EGFR: variants seen among roughly 807,000 people sequenced by gnomAD.
EGFR encodes epidermal growth factor receptor.
In EGFR, 58 loss-of-function variants were observed where a neutral mutation model predicts 143.0. The observed-to-expected ratio is 0.41, with a 90% CI of 0.33 to 0.50. The LOEUF (loss-of-function observed/expected upper bound fraction) is 0.50. Ranked by LOEUF, EGFR falls within the 20% of genes least tolerant of loss-of-function variation. The pLI, the probability that EGFR is intolerant of heterozygous loss-of-function variation, is 0.39. For synonymous variants in EGFR, 613 were observed against 594.4 expected (o/e 1.03, Z -0.45); for missense variants, 1,307 against 1,579.0 (o/e 0.83, Z 2.92).
chr7:55,128,359 C>T (rs376733407), intron 1 of EGFR, among the ~76,000 whole-genome samples: 1 of 152,148 alleles, frequency 6.6e-6, no homozygotes, highest in Non-Finnish European at 1.5e-5. Flanking sequence ...ACTGTCATGG[C>T]GGAGCAGCTT....
intron 1 of EGFR, among the ~76,000 whole-genome samples, chr7:55,067,443 C>T (rs1789569153): frequency 6.6e-6 from 1 of 151,426 alleles, no homozygotes; most frequent in Admixed American, 6.5e-5. Flanking sequence ...AACAAGTTAC[C>T]TACTGGTAAA....
intron 13 of EGFR, 46 bp from the exon 14 acceptor site, chr7:55,163,687 T>C (rs2128944468): frequency 6.5e-7 from 1 of 1,538,306 alleles, no homozygotes; most frequent in Non-Finnish European, 9.0e-7. Context: ...GTTCCTGCAA[T>C]AATGTCTCAG....
chr7:55,174,530 G>A (rs1475007381), intron 18 of EGFR, among the ~76,000 whole-genome samples, 192 bp from the exon 19 acceptor site: 2 of 152,186 alleles, frequency 1.3e-5, no homozygotes, highest in Non-Finnish European at 2.9e-5. Context: ...AGTGTGATTC[G>A]TGGAGCCCAA....
At chr7:55,025,080 A>G (rs1786805014) in intron 1 of EGFR, among the ~76,000 whole-genome samples, 1 of 152,238 alleles carries the variant, frequency 6.6e-6, no homozygotes, top group Non-Finnish European at 1.5e-5. Context: ...GAAGAGAAGG[A>G]ATAAATGGTA....
At chr7:55,050,670 C>T (rs1395981202) in intron 1 of EGFR, among the ~76,000 whole-genome samples, 4 of 152,214 alleles carry the variant, frequency 2.6e-5, no homozygotes, top group Admixed American at 1.3e-4. Context: ...AGGTCTCTCC[C>T]GCCAGCCCTG....
At chr7:55,170,799 G>A in intron 15 of EGFR, 2 of 1,427,160 alleles carry the variant, frequency 1.4e-6, no homozygotes, top group South Asian at 1.5e-5. Flanking sequence ...TCCGTAATTA[G>A]CATGGCCCCA....
intron 12 of EGFR, 123 bp from the exon 13 acceptor site, chr7:55,161,376 C>G (rs1785691488): frequency 3.7e-6 from 5 of 1,341,992 alleles, no homozygotes; most frequent in Non-Finnish European, 5.0e-6. Flanking sequence ...TCAGGGGTAG[C>G]CAGCATGTCT....
At chr7:55,097,694 A>G (rs1293630793) in intron 1 of EGFR, among the ~76,000 whole-genome samples, 1 of 152,220 alleles carries the variant, frequency 6.6e-6, no homozygotes, top group Admixed American at 6.5e-5. Flanking sequence ...CTGCCCCTGC[A>G]GCCACCCAGG....
At chr7:55,158,692 G>A (rs1453739654) in intron 11 of EGFR, among the ~76,000 whole-genome samples, 1 of 152,220 alleles carries the variant, frequency 6.6e-6, no homozygotes, top group Non-Finnish European at 1.5e-5. Context: ...CATTTAATGA[G>A]AAGTCTGGTG....
At chr7:55,173,603 G>A (rs1012087282) in intron 17 of EGFR, among the ~76,000 whole-genome samples, 1 of 152,204 alleles carries the variant, frequency 6.6e-6, no homozygotes, top group African/African-American at 2.4e-5. Context: ...CCAACCAAAC[G>A]ACCGCCATGC....
chr7:55,144,304 C>T (rs1794638054), intron 3 of EGFR, among the ~76,000 whole-genome samples: 1 of 152,186 alleles, frequency 6.6e-6, no homozygotes, highest in African/African-American at 2.4e-5. Context: ...TGTGTTAAAT[C>T]ATGCTAAGCC....
intron 22 of EGFR, among the ~76,000 whole-genome samples, chr7:55,197,655 T>C (rs1053971644): frequency 1.5e-4 from 23 of 152,250 alleles, no homozygotes; most frequent in Admixed American, 3.3e-4. Context: ...TTGCCATAGA[T>C]GGCTAATATG....
intron 1 of EGFR, among the ~76,000 whole-genome samples, chr7:55,115,337 T>C (rs559908932): frequency 7.9e-5 from 12 of 152,056 alleles, no homozygotes; most frequent in Non-Finnish European, 1.6e-4. Flanking sequence ...GTGAATAAGG[T>C]TTATTTACAT....
chr7:55,123,745 A>G (rs1238739166), intron 1 of EGFR, among the ~76,000 whole-genome samples: 1 of 152,064 alleles, frequency 6.6e-6, no homozygotes, highest in Non-Finnish European at 1.5e-5. Flanking sequence ...AAGAGAAGAA[A>G]CCTAGAGGAA....
chr7:55,039,956 C>G (rs1787807016), intron 1 of EGFR, among the ~76,000 whole-genome samples: 1 of 152,192 alleles, frequency 6.6e-6, no homozygotes, highest in Admixed American at 6.5e-5. Context: ...TTACTATACA[C>G]TGGTAGTCAT....
intron 1 of EGFR, among the ~76,000 whole-genome samples, chr7:55,091,717 C>T (rs1458632216): frequency 6.6e-6 from 1 of 152,116 alleles, no homozygotes; most frequent in African/African-American, 2.4e-5. Context: ...TAAACAATGG[C>T]AGGCTTGTGT....
At chr7:55,174,665 G>A (rs2128954439) in intron 18 of EGFR, 57 bp from the exon 19 acceptor site, 1 of 1,402,046 alleles carries the variant, frequency 7.1e-7, no homozygotes, top group Non-Finnish European at 1.0e-6. Context: ...TCACTGGGCA[G>A]CATGTGGCAC....
chr7:55,099,313 G>T (rs1207188552), intron 1 of EGFR, among the ~76,000 whole-genome samples: 1 of 152,136 alleles, frequency 6.6e-6, no homozygotes, highest in Non-Finnish European at 1.5e-5. Flanking sequence ...AGAGCCATCT[G>T]ACTTGTTTTG....
Position 55,109,746 on chromosome 7 carries a change from G to GC in EGFR, c.89-32539dup, listed in dbSNP as rs999440427. Reference sequence around the variant, plus strand: ...CTATCATTCCTTTGGGCCTAGGATTGCATTTATTTCCATGACAAAAGGGCC... The same window carrying GC: ...CTATCATTCCTTTGGGCCTAGGATTGCCATTTATTTCCATGACAAAAGGGCC... On this transcript the variant is annotated intron_variant, in intron 1 of 27. Transcript: ENST00000275493. The GC allele has an allele frequency of 1.0e-5, 10 of 985,402 alleles. No homozygotes were observed. In the African/African-American group the frequency reaches 1.2e-4, roughly 12 times the overall value. The allele number at this position is 985,402 out of a possible 1,614,324, so 61.0% of individuals were successfully genotyped here.
Sources: allele counts gnomAD v4.1 joint callset (sites outside exome capture counted in the v4.1 genomes callset), GRCh38; gene constraint gnomAD v4.1.1; transcripts MANE v1.5; gene names NCBI Gene and HGNC (gene_info 2026-07-23, HGNC 2026-07-21).